MYOM2: variants seen among roughly 807,000 people sequenced by gnomAD.
The protein encoded by MYOM2 is myomesin 2.
A neutral mutation model predicts 187.6 loss-of-function variants in MYOM2; 254 were observed. That is an observed-to-expected ratio of 1.35 (90% CI 1.22 to 1.50). The LOEUF (loss-of-function observed/expected upper bound fraction) is 1.50. Ranked by LOEUF, MYOM2 falls within the 40% of genes most tolerant of loss-of-function variation. The pLI is 0.00. For synonymous variants in MYOM2, 981 were observed against 753.8 expected (o/e 1.30, Z -4.94); for missense variants, 2,796 against 1,924.0 (o/e 1.45, Z -8.48).
chr8:2,117,943 T>C lies in MYOM2; in HGVS notation c.3444T>C (p.Leu1148=). 6.2e-7 allele frequency: 1 copy of C among 1,613,174 alleles called. No individual in the cohort carries two copies. The highest frequency in any genetic ancestry group is 8.5e-7 in the Non-Finnish European group (1 of 1,179,500). ...TCACGGAAGAATGTGAAGTTCGACT[T>C]GTTTGCAAGGTGAGAAACCCGGTTC... ...WDVTEECEVR[L]VCKVANTKKE... Residue 1148 remains leucine (L), a synonymous_variant, in exon 28 of 37, where the codon CTT becomes CTC. Transcript: ENST00000262113.
At chr8:2,072,202 A>G in intron 8 of MYOM2, 143 bp from the exon 9 acceptor site, 1 of 682,488 alleles carries the variant, frequency 1.5e-6, no homozygotes, top group Non-Finnish European at 2.5e-6. Context: ...CTGCACTCCA[A>G]CCTGGACAAC....
intron 1 of MYOM2, among the ~76,000 whole-genome samples, chr8:2,046,716 A>C (rs537229338): frequency 6.6e-6 from 1 of 151,414 alleles, no homozygotes; most frequent in Non-Finnish European, 1.5e-5. Context: ...CCCTGCGAGG[A>C]AAAGCTGCTT....
At chr8:2,120,670 A>ATG (rs1369999962) in intron 28 of MYOM2, among the ~76,000 whole-genome samples, 2 of 18,656 alleles carry the variant, frequency 1.1e-4, no homozygotes, top group African/African-American at 1.9e-4. Flanking sequence ...ATATATATAT[A>ATG]TATATTATAT....
At chr8:2,134,996 G>C (rs73657750) in intron 32 of MYOM2, among the ~76,000 whole-genome samples, 1 of 152,006 alleles carries the variant, frequency 6.6e-6, no homozygotes, top group South Asian at 2.1e-4. Context: ...GCACACACTC[G>C]CTCATCCGTG....
At chr8:2,120,663 TATATATATATATTATATTATATATAA>T (rs1229351301) in intron 28 of MYOM2, among the ~76,000 whole-genome samples, 7 of 9,532 alleles carry the variant, frequency 7.3e-4, no homozygotes, top group African/African-American at 3.4e-3. Flanking sequence ...TTCCTGTATA[TATATATATATATTATATTATATATAA>T]ATATATAATA....
Position 2,059,001 on chromosome 8 carries a change from G to A in MYOM2, c.561-152G>A. 1.6e-5 allele frequency: 10 copies of A among 634,694 alleles called. No individual in the cohort carries two copies. The South Asian group carries it at 1.7e-4, about 11-fold the overall frequency. The allele number at this position is 634,694 out of a possible 1,614,324, so 39.3% of individuals were successfully genotyped here. The stretch of plus-strand genomic sequence containing the variant: ...GAAAGCAAAACCAGTGCGAACTCTG[G>A]GCCTCACCGTCAGGGCTCTGTCCTC... On this transcript the variant is annotated intron_variant, in intron 5 of 36. Transcript: ENST00000262113.
At chr8:2,130,955 A>G (rs901556567) in intron 32 of MYOM2, among the ~76,000 whole-genome samples, 3 of 152,172 alleles carry the variant, frequency 2.0e-5, no homozygotes, top group Admixed American at 6.5e-5. Flanking sequence ...TTTACAGCAT[A>G]TTGTCTTGCT....
intron 11 of MYOM2, among the ~76,000 whole-genome samples, chr8:2,077,167 G>A (rs1819454656): frequency 6.6e-6 from 1 of 151,982 alleles, no homozygotes; most frequent in African/African-American, 2.4e-5. Flanking sequence ...AAAATTAGCT[G>A]GGTGTGCTGG....
In MYOM2 at chr8:2,050,758, C is replaced by T. The variant is rs769856689; in HGVS notation, c.-9C>T. 6.3e-7 allele frequency: 1 copy of T among 1,595,398 alleles called. No individual in the cohort carries two copies. The highest frequency in any genetic ancestry group is 8.6e-7 in the Non-Finnish European group (1 of 1,163,486). On this transcript the variant is annotated 5_prime_UTR_variant, in exon 2 of 37. Transcript: ENST00000262113. ...TTGTGTGTGACTCTCTTTGTAGGAG[C>T]ACGCCAAGATGTCCCTTGTGACTGT...
chr8:2,123,247 C>T lies in MYOM2; in HGVS notation c.3454-5C>T, dbSNP rs762205487. 1 of 1,597,742 alleles carries T rather than the reference C, an allele frequency of 6.3e-7. No homozygotes were observed. The highest frequency in any genetic ancestry group is 1.1e-5 in the South Asian group (1 of 89,350). On this transcript the variant is annotated splice_region_variant and splice_polypyrimidine_tract_variant and intron_variant, in intron 28 of 36. Transcript: ENST00000262113. ...CACACTAAACTTAAGCTTTCTACCT[C>T]ACAGGTTGCAAACACCAAGAAAGAA...
chr8:2,049,741 G>T (rs1008822499), intron 1 of MYOM2, among the ~76,000 whole-genome samples: 5 of 152,188 alleles, frequency 3.3e-5, no homozygotes, highest in African/African-American at 1.2e-4. Context: ...TTAGGAATAC[G>T]GTCCCTACGT....
chr8:2,107,898 A>G (rs541692861), intron 23 of MYOM2, among the ~76,000 whole-genome samples: 1 of 152,350 alleles, frequency 6.6e-6, no homozygotes, highest in Admixed American at 6.5e-5. Context: ...CTTGCAAAAG[A>G]AAAAATTCCA....
At chr8:2,125,871 C>T (rs1797618475) in intron 31 of MYOM2, among the ~76,000 whole-genome samples, 1 of 151,886 alleles carries the variant, frequency 6.6e-6, no homozygotes, top group African/African-American at 2.4e-5. Context: ...CCACCGAGGC[C>T]TCCCTAAGTG....
At chr8:2,052,461 GT>G in intron 3 of MYOM2, 148 bp downstream of exon 3, 1 of 814,862 alleles carries the variant, frequency 1.2e-6, no homozygotes, top group Non-Finnish European at 1.8e-6. Context: ...GAATGCTGCT[GT>G]TTCCCAATCA....
At chr8:2,047,697 G>A (rs1818353650) in intron 1 of MYOM2, among the ~76,000 whole-genome samples, 3 of 152,296 alleles carry the variant, frequency 2.0e-5, no homozygotes, top group African/African-American at 7.2e-5. Flanking sequence ...GGGGATAAAC[G>A]TGGCAAAGTG....
intron 16 of MYOM2, 42 bp from the exon 17 acceptor site, chr8:2,093,928 G>C: frequency 1.3e-6 from 2 of 1,595,248 alleles, no homozygotes; most frequent in Non-Finnish European, 1.7e-6. Flanking sequence ...GAGAGAAAAA[G>C]TGGAGCCTGG....
intron 3 of MYOM2, among the ~76,000 whole-genome samples, chr8:2,057,049 G>C (rs539341388): frequency 6.6e-6 from 1 of 152,190 alleles, no homozygotes; most frequent in East Asian, 1.9e-4. Context: ...CCTCCAAGCG[G>C]TTTGCAGTTG....
chr8:2,085,487 GGCCCCT>G, intron 14 of MYOM2, 97 bp downstream of exon 14: 1 of 1,415,562 alleles, frequency 7.1e-7, no homozygotes. Flanking sequence ...ATCTCCGCGT[GGCCCCT>G]CACTGTTGTG....
At chr8:2,115,161 C>G (rs1455454271) in intron 25 of MYOM2, among the ~76,000 whole-genome samples, 2 of 93,790 alleles carry the variant, frequency 2.1e-5, no homozygotes, top group African/African-American at 8.8e-5. Flanking sequence ...ATAAGGCAAC[C>G]AGCAAAAAAA....
Sources: gnomAD v4.1 joint callset for allele counts (sites outside exome capture counted in the v4.1 genomes callset) on GRCh38, gnomAD v4.1.1 for gene constraint, MANE v1.5 for transcripts, NCBI Gene and HGNC (gene_info 2026-07-23, HGNC 2026-07-21) for gene names.